The following UBE2E3 variants were observed in gnomAD, a reference collection of about 807,000 sequenced individuals.
UBE2E3 encodes the protein ubiquitin conjugating enzyme E2 E3.
Under a neutral mutation model 23.6 loss-of-function variants are expected in UBE2E3, and 5 were observed. That is an observed-to-expected ratio of 0.21 (90% CI 0.11 to 0.44). The LOEUF (loss-of-function observed/expected upper bound fraction) is 0.44. UBE2E3 is among the 20% of genes least tolerant of loss of function. The pLI is 0.99. For missense variants in UBE2E3, 81 were observed against 249.8 expected, an observed-to-expected ratio of 0.32 and a Z score of 4.55; for synonymous variants, 78 against 87.5, an observed-to-expected ratio of 0.89 and a Z score of 0.60.
intron 3 of UBE2E3, among the ~76,000 whole-genome samples, chr2:181,028,903 T>C (rs1299856392): frequency 2.0e-5 from 3 of 152,164 alleles, no homozygotes; most frequent in Non-Finnish European, 4.4e-5. Context: ...ATTAGCACTT[T>C]TTGTGTCATG....
intron 2 of UBE2E3, 32 bp downstream of exon 2, chr2:180,982,268 T>C (rs929999325): frequency 2.5e-6 from 4 of 1,585,936 alleles, no homozygotes; most frequent in African/African-American, 1.4e-5. Flanking sequence ...CAGCACACTT[T>C]GTCAGGTTGT....
intron 4 of UBE2E3, among the ~76,000 whole-genome samples, chr2:181,059,371 C>T (rs1687068131): frequency 6.6e-6 from 1 of 151,648 alleles, no homozygotes; most frequent in Admixed American, 6.6e-5. Context: ...ATTTGTAAAT[C>T]ACATATGTAT....
chr2:180,983,986 C>T, intron 2 of UBE2E3, 57 bp from the exon 3 acceptor site: 1 of 1,453,830 alleles, frequency 6.9e-7, no homozygotes, highest in Non-Finnish European at 9.5e-7. Context: ...GTGTAATTCC[C>T]TGGTTATTCT....
chr2:181,046,324 A>G (rs2105468017), intron 3 of UBE2E3, among the ~76,000 whole-genome samples: 2 of 152,308 alleles, frequency 1.3e-5, no homozygotes, highest in South Asian at 4.1e-4. Flanking sequence ...CACAAAACAC[A>G]AATACTTGCT....
chr2:181,050,977 A>AT (rs1170354178), intron 3 of UBE2E3, among the ~76,000 whole-genome samples: 2 of 151,830 alleles, frequency 1.3e-5, no homozygotes, highest in East Asian at 3.9e-4. Flanking sequence ...TAGCTTGAAC[A>AT]TTTTTTTAAA....
At chr2:181,043,958 A>G (rs1686594425) in intron 3 of UBE2E3, among the ~76,000 whole-genome samples, 1 of 152,080 alleles carries the variant, frequency 6.6e-6, no homozygotes, top group Admixed American at 6.6e-5. Flanking sequence ...CACTATTGTT[A>G]TTTTGCTTTG....
At chr2:181,021,703 A>G (rs912594095) in intron 3 of UBE2E3, among the ~76,000 whole-genome samples, 2 of 106,288 alleles carry the variant, frequency 1.9e-5, no homozygotes, top group South Asian at 2.9e-4. Flanking sequence ...TAAATATACT[A>G]TATCTATTAA....
chr2:181,031,404 C>A (rs756290705), intron 3 of UBE2E3, among the ~76,000 whole-genome samples: 4 of 151,896 alleles, frequency 2.6e-5, no homozygotes, highest in Admixed American at 6.6e-5. Context: ...ATTACTATAC[C>A]TTGAGGCTAT....
intron 3 of UBE2E3, among the ~76,000 whole-genome samples, chr2:180,998,621 A>G (rs1684901431): frequency 6.6e-6 from 1 of 152,142 alleles, no homozygotes; most frequent in Admixed American, 6.6e-5. Flanking sequence ...ACCATTGGTA[A>G]TAATGTGGGG....
At chr2:181,056,000 C>T (rs902065253) in intron 3 of UBE2E3, among the ~76,000 whole-genome samples, 7 of 150,418 alleles carry the variant, frequency 4.7e-5, no homozygotes, top group Non-Finnish European at 1.0e-4. Flanking sequence ...TTACAACATT[C>T]GCACTGAAAG....
chr2:181,054,874 T>C (rs1471815646), intron 3 of UBE2E3, among the ~76,000 whole-genome samples: 1 of 151,322 alleles, frequency 6.6e-6, no homozygotes, highest in Non-Finnish European at 1.5e-5. Context: ...AAGCTTAGGG[T>C]GATAAGGAAT....
chr2:180,991,998 A>T (rs181091918), intron 3 of UBE2E3, among the ~76,000 whole-genome samples: 1 of 152,212 alleles, frequency 6.6e-6, no homozygotes, highest in Admixed American at 6.5e-5. Context: ...CTGCTCTGCT[A>T]CTTCTGTTAC....
chr2:181,043,497 G>T (rs1379592445), intron 3 of UBE2E3, among the ~76,000 whole-genome samples: 1 of 151,986 alleles, frequency 6.6e-6, no homozygotes, highest in South Asian at 2.1e-4. Context: ...TTAGACTTTG[G>T]TCTCATCCCC....
At chr2:181,062,467 C>A (rs1383480446) in intron 5 of UBE2E3, among the ~76,000 whole-genome samples, 1 of 151,382 alleles carries the variant, frequency 6.6e-6, no homozygotes. Context: ...GAAATATAAC[C>A]ACCTAGTATA....
chr2:181,034,779 T>G lies in UBE2E3; in HGVS notation c.246-22914T>G, dbSNP rs148693353. 1.2e-3 allele frequency among the ~76,000 whole-genome samples: 181 copies of G among 152,318 alleles called. 1 individual carries two copies. The highest frequency in any genetic ancestry group is 4.1e-3 in the African/African-American group (169 of 41,574). ...ACCTTGAATTTTATTTCATTTCTAT[T>G]TATATTCAGGTTTCTAAAGAACAAG... On this transcript the variant is annotated intron_variant, in intron 3 of 5. Coordinates refer to ENST00000410062, the MANE Select transcript of UBE2E3 (RefSeq NM_006357.4).
chr2:180,987,416 C>T, intron 3 of UBE2E3: 2 of 1,549,088 alleles, frequency 1.3e-6, no homozygotes, highest in Non-Finnish European at 1.7e-6. Flanking sequence ...CTAACTTAAC[C>T]CCTAATTTCT....
intron 4 of UBE2E3, 118 bp downstream of exon 4, chr2:181,057,943 A>T: frequency 9.0e-7 from 1 of 1,107,600 alleles, no homozygotes; most frequent in Non-Finnish European, 1.3e-6. Flanking sequence ...TCATGGATTG[A>T]TATGGAAATT....
chr2:181,058,695 C>T (rs1453432729), intron 4 of UBE2E3, among the ~76,000 whole-genome samples: 1 of 150,642 alleles, frequency 6.6e-6, no homozygotes, highest in African/African-American at 2.4e-5. Context: ...ATGTTGCAGT[C>T]TATACCATTT....
chr2:181,058,657 C>A (rs1209272235), intron 4 of UBE2E3, among the ~76,000 whole-genome samples: 1 of 151,688 alleles, frequency 6.6e-6, no homozygotes, highest in Non-Finnish European at 1.5e-5. Flanking sequence ...AACATGGTGA[C>A]TTTTGTTCTC....
Sources: allele counts gnomAD v4.1 joint callset (sites outside exome capture counted in the v4.1 genomes callset), GRCh38; gene constraint gnomAD v4.1.1; transcripts MANE v1.5; gene names NCBI Gene and HGNC (gene_info 2026-07-23, HGNC 2026-07-21).